Variants in PSTPIP2 observed in about 807,000 individuals in gnomAD.
PSTPIP2 encodes the protein proline-serine-threonine phosphatase-interacting protein 2.
PSTPIP2 carries 33 observed loss-of-function variants against 63.3 expected under a neutral mutation model. The observed-to-expected ratio is 0.52, with a 90% CI of 0.40 to 0.70. The LOEUF is 0.70. Among genes scored for constraint, PSTPIP2 ranks in the 30% least tolerant of loss-of-function variants. The pLI is 0.00. For missense variants in PSTPIP2, 312 were observed against 400.7 expected (o/e 0.78, Z 1.89); for synonymous variants, 125 against 132.7 (o/e 0.94, Z 0.40).
At chr18:46,010,528 C>G (rs1372133581) in intron 5 of PSTPIP2, among the ~76,000 whole-genome samples, 1 of 152,208 alleles carries the variant, frequency 6.6e-6, no homozygotes, top group African/African-American at 2.4e-5. Context: ...TAGAAGAGAA[C>G]AGAGTTGTGG....
chr18:46,049,056 GGA>G (rs1329489624), intron 1 of PSTPIP2, among the ~76,000 whole-genome samples: 150 of 139,042 alleles, frequency 1.1e-3, no homozygotes, highest in African/African-American at 3.8e-3. Context: ...GTGTGTGTGT[GGA>G]GAGAGAGAGA....
At chr18:46,023,285 G>A (rs924395348) in intron 3 of PSTPIP2, among the ~76,000 whole-genome samples, 1 of 152,134 alleles carries the variant, frequency 6.6e-6, no homozygotes, top group Non-Finnish European at 1.5e-5. Flanking sequence ...TTTTCGCCGG[G>A]CATGGTGGAT....
intron 3 of PSTPIP2, among the ~76,000 whole-genome samples, chr18:46,023,415 C>T (rs28434588): frequency 0.022 from 3,293 of 152,086 alleles, 115 homozygotes; most frequent in African/African-American, 0.069. Context: ...CAAAATTAGC[C>T]GGGCATGGAG....
chr18:46,037,241 C>T (rs564321055), intron 2 of PSTPIP2, among the ~76,000 whole-genome samples: 1 of 152,264 alleles, frequency 6.6e-6, no homozygotes, highest in East Asian at 1.9e-4. Context: ...CAACATCCGC[C>T]TCCCGGGTTC....
intron 1 of PSTPIP2, among the ~76,000 whole-genome samples, chr18:46,049,750 C>T (rs1271286711): frequency 2.6e-5 from 4 of 152,076 alleles, no homozygotes; most frequent in African/African-American, 9.7e-5. Flanking sequence ...CGTGGTGGCA[C>T]GTGCCTGTAA....
intron 2 of PSTPIP2, among the ~76,000 whole-genome samples, chr18:46,037,050 T>C (rs1288540525): frequency 1.3e-5 from 2 of 152,250 alleles, no homozygotes; most frequent in East Asian, 3.8e-4. Context: ...AATTATTACA[T>C]ACAATAGTCT....
In PSTPIP2 at chr18:46,029,411, G is replaced by A; in HGVS notation, c.135-4725C>T. ...GTAAGAAAGTATATGCCTCTTCGGG[G>A]ATGGAGAAGTTTATGTTTGGGATGT... On this transcript the variant is annotated intron_variant, in intron 2 of 14. Transcript: ENST00000409746. 4 of 1,487,918 alleles carry A rather than the reference G, an allele frequency of 2.7e-6. No individual in the cohort carries two copies. The South Asian group carries it at 4.5e-5, about 17-fold the overall frequency. 92.2% of individuals were successfully genotyped at this position (1,487,918 alleles called of 1,614,324 possible).
intron 1 of PSTPIP2, among the ~76,000 whole-genome samples, chr18:46,051,553 G>C (rs184031312): frequency 7.9e-5 from 12 of 152,196 alleles, no homozygotes; most frequent in African/African-American, 2.9e-4. Context: ...ATGGCTTTTT[G>C]AAAGACCATT....
At chr18:46,058,807 G>C (rs917114620) in intron 1 of PSTPIP2, among the ~76,000 whole-genome samples, 1 of 152,204 alleles carries the variant, frequency 6.6e-6, no homozygotes. Flanking sequence ...TGTCACCAGC[G>C]GGGTGGGACC....
At chr18:46,027,048 AC>A (rs1490959382) in intron 2 of PSTPIP2, among the ~76,000 whole-genome samples, 4 of 152,166 alleles carry the variant, frequency 2.6e-5, no homozygotes, top group African/African-American at 9.7e-5. Context: ...TAATCCCAGT[AC>A]TTTGGGAGGC....
chr18:46,027,681 C>A (rs1907632385), intron 2 of PSTPIP2, among the ~76,000 whole-genome samples: 1 of 151,700 alleles, frequency 6.6e-6, no homozygotes, highest in South Asian at 2.1e-4. Flanking sequence ...CAAAGTAAGA[C>A]CCTGTATAAA....
At chr18:46,000,387 G>A (rs2051650738) in intron 6 of PSTPIP2, among the ~76,000 whole-genome samples, 1 of 152,026 alleles carries the variant, frequency 6.6e-6, no homozygotes, top group South Asian at 2.1e-4. Context: ...TATTTATTGA[G>A]ACAGAGTCTA....
Position 46,019,299 on chromosome 18 carries a change from T to A in PSTPIP2, c.213-3362A>T, listed in dbSNP as rs6507661. Among the ~76,000 whole-genome samples the A allele has an allele frequency of 2.1e-3, 323 of 152,236 alleles. 2 individuals are homozygous for A. The highest frequency in any genetic ancestry group is 7.7e-3 in the African/African-American group (319 of 41,546). ...TTTAGAAATTAAAGGCCTTGTGTTTTCCAAGTGGCCCCTTCTTTCAGCTAC... is the reference window on the plus strand; with the variant it reads ...TTTAGAAATTAAAGGCCTTGTGTTTACCAAGTGGCCCCTTCTTTCAGCTAC... On this transcript the variant is annotated intron_variant, in intron 3 of 14. Coordinates refer to ENST00000409746, the MANE Select transcript of PSTPIP2 (RefSeq NM_024430.4).
At chr18:46,015,974 G>C (rs757769823) in intron 3 of PSTPIP2, 37 bp from the exon 4 acceptor site, 1 of 1,594,542 alleles carries the variant, frequency 6.3e-7, no homozygotes, top group South Asian at 1.1e-5. Flanking sequence ...TTCAGTTCTG[G>C]AAATTCTCTG....
chr18:46,007,031 G>T (rs999531529), intron 5 of PSTPIP2, among the ~76,000 whole-genome samples: 1 of 152,156 alleles, frequency 6.6e-6, no homozygotes, highest in African/African-American at 2.4e-5. Context: ...TTATCCTTAT[G>T]ATAGCTCTAT....
intron 7 of PSTPIP2, among the ~76,000 whole-genome samples, 191 bp downstream of exon 7, chr18:45,999,245 C>G (rs2051638132): frequency 6.6e-6 from 1 of 152,200 alleles, no homozygotes; most frequent in South Asian, 2.1e-4. Flanking sequence ...CATAGCCATG[C>G]TTCTGTCGCT....
At chr18:45,990,366 T>C (rs561941202) in intron 13 of PSTPIP2, among the ~76,000 whole-genome samples, 4 of 152,344 alleles carry the variant, frequency 2.6e-5, no homozygotes, top group Admixed American at 1.3e-4. Context: ...TTCAAAGTTC[T>C]AGCTATTTAA....
rs151215118 is a variant in PSTPIP2, at chr18:45,995,771, A to G, written c.642+1978T>C. Among the ~76,000 whole-genome samples the G allele has an allele frequency of 3.1e-3, 474 of 152,242 alleles. 2 individuals carry two copies. The highest frequency in any genetic ancestry group is 0.011 in the African/African-American group (453 of 41,564). ...CGTGGCTGTGAAGAAGGGCGGGGGT[A>G]GTAGGGGTCGTAGATAGAAAGTAAG... On this transcript the variant is annotated intron_variant, in intron 9 of 14. Coordinates refer to ENST00000409746, the MANE Select transcript of PSTPIP2 (RefSeq NM_024430.4).
At chr18:46,043,814 C>G (rs1908280882) in intron 1 of PSTPIP2, among the ~76,000 whole-genome samples, 1 of 151,404 alleles carries the variant, frequency 6.6e-6, no homozygotes, top group African/African-American at 2.4e-5. Context: ...GACACAAGGT[C>G]AATATACAAA....
Sources: gnomAD v4.1 joint callset for allele counts (sites outside exome capture counted in the v4.1 genomes callset) on GRCh38, gnomAD v4.1.1 for gene constraint, MANE v1.5 for transcripts, NCBI Gene and HGNC (gene_info 2026-07-23, HGNC 2026-07-21) for gene names.